BCKDHB: variants seen among roughly 807,000 people sequenced by gnomAD.
BCKDHB encodes branched chain keto acid dehydrogenase E1 subunit beta.
A neutral mutation model predicts 48.5 loss-of-function variants in BCKDHB; 41 were observed. The ratio of observed to expected loss-of-function variants is 0.85; its 90% CI spans 0.66 to 1.10. The LOEUF (loss-of-function observed/expected upper bound fraction) is 1.10, where lower values mean the gene tolerates loss of function less well. Among genes scored for constraint, BCKDHB ranks in the 50% least tolerant of loss-of-function variants. The probability of loss-of-function intolerance (pLI) is 0.00; values close to 1 mark genes in which losing one functional copy is unlikely to be tolerated. For missense variants in BCKDHB, 496 were observed against 494.2 expected (o/e 1.00, Z -0.03); for synonymous variants, 201 against 174.8 (o/e 1.15, Z -1.18).
At chr6:80,403,147 A>G in the BCKDHB span, among the ~76,000 whole-genome samples, 2 of 151,848 alleles carry the variant, frequency 1.3e-5, no homozygotes, top group Non-Finnish European at 2.9e-5. Flanking sequence ...GAAAAAGGCC[A>G]TTGTAATTTT....
At chr6:80,257,751 C>G (rs1777114066) in intron 8 of BCKDHB, among the ~76,000 whole-genome samples, 1 of 152,014 alleles carries the variant, frequency 6.6e-6, no homozygotes, top group African/African-American at 2.4e-5. Flanking sequence ...GGAGGCGGTT[C>G]TGGTGTAAGT....
At chr6:80,191,511 C>G (rs1190999313) in intron 6 of BCKDHB, among the ~76,000 whole-genome samples, 1 of 151,914 alleles carries the variant, frequency 6.6e-6, no homozygotes, top group Non-Finnish European at 1.5e-5. Flanking sequence ...AGTCATCTAC[C>G]CAATAGAAGC....
chr6:80,109,323 A>G (rs895889021), intron 1 of BCKDHB, among the ~76,000 whole-genome samples: 2 of 152,232 alleles, frequency 1.3e-5, no homozygotes, highest in African/African-American at 2.4e-5. Flanking sequence ...CATTCAGTCA[A>G]TAAGTGGAAC....
At chr6:80,418,650 A>T in the BCKDHB span, among the ~76,000 whole-genome samples, 1 of 152,152 alleles carries the variant, frequency 6.6e-6, no homozygotes, top group Non-Finnish European at 1.5e-5. Flanking sequence ...GAGGTTAGGA[A>T]TCCACTATGC....
intron 9 of BCKDHB, among the ~76,000 whole-genome samples, chr6:80,295,701 T>C (rs1174731849): frequency 1.3e-5 from 2 of 152,162 alleles, no homozygotes; most frequent in African/African-American, 4.8e-5. Flanking sequence ...CACAACTAGT[T>C]TGCAAATTTG....
At chr6:80,154,602 T>C (rs1771948880) in intron 3 of BCKDHB, among the ~76,000 whole-genome samples, 1 of 152,156 alleles carries the variant, frequency 6.6e-6, no homozygotes, top group Admixed American at 6.6e-5. Context: ...TAATTGAATT[T>C]CTTGGCAAAC....
intron 8 of BCKDHB, among the ~76,000 whole-genome samples, chr6:80,245,058 G>T (rs1776552918): frequency 6.7e-6 from 1 of 149,576 alleles, no homozygotes; most frequent in Non-Finnish European, 1.5e-5. Flanking sequence ...ATAAAACAGA[G>T]ATATAATAGT....
the BCKDHB span, among the ~76,000 whole-genome samples, chr6:80,452,260 T>C: frequency 1.3e-5 from 2 of 152,212 alleles, no homozygotes; most frequent in Non-Finnish European, 2.9e-5. Flanking sequence ...GAGATGTATA[T>C]TCCAATAGGA....
chr6:80,415,785 T>C, the BCKDHB span, among the ~76,000 whole-genome samples: 4 of 152,164 alleles, frequency 2.6e-5, no homozygotes, highest in Non-Finnish European at 4.4e-5. Context: ...TCTGACCTCA[T>C]AGAATGAGTT....
At chr6:80,376,927 G>A in the BCKDHB span, among the ~76,000 whole-genome samples, 1 of 151,896 alleles carries the variant, frequency 6.6e-6, no homozygotes, top group Admixed American at 6.6e-5. Context: ...GTAGTTCTTT[G>A]TATATTCTAG....
the BCKDHB span, among the ~76,000 whole-genome samples, chr6:80,366,216 G>A: frequency 1.3e-5 from 2 of 152,194 alleles, no homozygotes; most frequent in Non-Finnish European, 2.9e-5. Context: ...GGGCCAGTTG[G>A]CTTCATGTTG....
intron 9 of BCKDHB, among the ~76,000 whole-genome samples, chr6:80,307,304 T>C (rs966920741): frequency 6.6e-6 from 1 of 152,216 alleles, no homozygotes; most frequent in Non-Finnish European, 1.5e-5. Context: ...TAGGGTTCCA[T>C]GAGCTAACAT....
intron 8 of BCKDHB, among the ~76,000 whole-genome samples, chr6:80,223,946 G>T (rs981556798): frequency 2.0e-5 from 3 of 152,224 alleles, no homozygotes; most frequent in Admixed American, 6.5e-5. Context: ...CAGAAGAATA[G>T]ATGGTTGGAA....
At chr6:80,230,767 C>T (rs1232214417) in intron 8 of BCKDHB, among the ~76,000 whole-genome samples, 1 of 152,136 alleles carries the variant, frequency 6.6e-6, no homozygotes, top group Non-Finnish European at 1.5e-5. Context: ...GAAAAGAGAG[C>T]ACGTGCAAGA....
At chr6:80,427,149 A>G in the BCKDHB span, among the ~76,000 whole-genome samples, 1 of 152,074 alleles carries the variant, frequency 6.6e-6, no homozygotes. Flanking sequence ...TCTGAAATTA[A>G]TATAGCTGTT....
chr6:80,434,165 T>C, the BCKDHB span, among the ~76,000 whole-genome samples: 1 of 152,130 alleles, frequency 6.6e-6, no homozygotes, highest in Admixed American at 6.5e-5. Flanking sequence ...ATTGTATTCA[T>C]ACATAATCAC....
intron 8 of BCKDHB, among the ~76,000 whole-genome samples, chr6:80,268,683 A>T (rs2127958992): frequency 6.6e-6 from 1 of 152,232 alleles, no homozygotes; most frequent in Middle Eastern, 3.4e-3. Context: ...TTTCAGGAAT[A>T]TGGAAGCTTT....
intron 1 of BCKDHB, among the ~76,000 whole-genome samples, chr6:80,107,504 T>C (rs1374827460): frequency 1.6e-5 from 2 of 125,054 alleles, no homozygotes; most frequent in Admixed American, 1.5e-4. Context: ...TATATGCATA[T>C]ATATGTGCGC....
chr6:80,112,659 C>T (rs1367583460), intron 1 of BCKDHB, among the ~76,000 whole-genome samples: 1 of 152,214 alleles, frequency 6.6e-6, no homozygotes, highest in Non-Finnish European at 1.5e-5. Context: ...CCCATTGTCA[C>T]CTGTGAGAGA....
Sources: gnomAD v4.1 joint callset for allele counts (sites outside exome capture counted in the v4.1 genomes callset) on GRCh38, gnomAD v4.1.1 for gene constraint, MANE v1.5 for transcripts, NCBI Gene and HGNC (gene_info 2026-07-23, HGNC 2026-07-21) for gene names.